POLR3B: variants seen among roughly 807,000 people sequenced by gnomAD.
POLR3B encodes the protein DNA-directed RNA polymerase III subunit RPC2.
Under a neutral mutation model 147.4 loss-of-function variants are expected in POLR3B, and 96 were observed. That is an observed-to-expected ratio of 0.65 (90% CI 0.55 to 0.77). The LOEUF (loss-of-function observed/expected upper bound fraction) is 0.77. POLR3B is among the 30% of genes least tolerant of loss of function. The pLI, the probability that POLR3B is intolerant of heterozygous loss-of-function variation, is 0.00. For synonymous variants in POLR3B, 461 were observed against 485.9 expected (o/e 0.95, Z 0.67); for missense variants, 1,036 against 1,413.5 (o/e 0.73, Z 4.28).
chr12:106,473,778 GT>G (rs1374012914), intron 23 of POLR3B, among the ~76,000 whole-genome samples: 1 of 132,344 alleles, frequency 7.6e-6, no homozygotes, highest in Non-Finnish European at 1.6e-5. Context: ...AGATGATGGG[GT>G]TTTCTAGATA....
chr12:106,509,196 C>T (rs2038736371), intron 27 of POLR3B, among the ~76,000 whole-genome samples: 2 of 152,172 alleles, frequency 1.3e-5, no homozygotes, highest in Non-Finnish European at 2.9e-5. Context: ...GCTTTAAACA[C>T]TGGAGGGAAT....
At chr12:106,500,244 T>G in intron 25 of POLR3B, 2 of 448,858 alleles carry the variant, frequency 4.5e-6, no homozygotes, top group South Asian at 3.2e-5. Flanking sequence ...GTTCTCTGGT[T>G]GTTCTTGCTC....
chr12:106,445,714 C>T (rs1013781731), intron 19 of POLR3B, among the ~76,000 whole-genome samples: 55 of 152,042 alleles, frequency 3.6e-4, no homozygotes, highest in Admixed American at 6.6e-4. Context: ...TGATTGCCAT[C>T]TCTGATTTAA....
At chr12:106,494,409 T>C (rs1308901367) in intron 23 of POLR3B, among the ~76,000 whole-genome samples, 1 of 152,172 alleles carries the variant, frequency 6.6e-6, no homozygotes, top group Non-Finnish European at 1.5e-5. Context: ...GATTTCTCTT[T>C]GGTTTTGTTT....
At position 106,437,678 on chromosome 12, in the gene POLR3B, C is replaced by T. The variant is rs1382233377; in HGVS notation, c.1857-3C>T. On this transcript the variant is annotated splice_region_variant and splice_polypyrimidine_tract_variant and intron_variant, in intron 17 of 27. Transcript: ENST00000228347. ...GATGTCTCTTTCACCAATATTTTCCCAGGAATTTTGAAGATTTCTTACATG... is the reference window on the plus strand; with the variant it reads ...GATGTCTCTTTCACCAATATTTTCCTAGGAATTTTGAAGATTTCTTACATG... The T allele has an allele frequency of 2.6e-6, 4 of 1,545,078 alleles. No homozygotes were observed. The highest frequency in any genetic ancestry group is 3.3e-5 in the Admixed American group (2 of 59,872).
chr12:106,364,857 C>T (rs867945705), intron 2 of POLR3B, among the ~76,000 whole-genome samples: 12 of 152,282 alleles, frequency 7.9e-5, no homozygotes, highest in South Asian at 2.1e-4. Flanking sequence ...AAAATGAGGC[C>T]GGGCGCGGTG....
Position 106,378,320 on chromosome 12 carries a change from C to T in POLR3B, c.550C>T (p.Leu184=). The T allele has an allele frequency of 6.2e-7, 1 of 1,613,862 alleles. No homozygotes were observed. The highest frequency in any genetic ancestry group is 2.2e-5 in the East Asian group (1 of 44,864). Residue 184 remains leucine, a synonymous_variant, in exon 8 of 28, where the codon CTG becomes TTG. Transcript: ENST00000228347. ...AAAAGTTATTCTTATCCAAGAGCAG[C>T]TGTCTAAGAACAGGATCATCGTGGA... ...VEKVILIQEQ[L]SKNRIIVEAD...
chr12:106,409,041 C>G lies in POLR3B; in HGVS notation c.967-1785C>G, dbSNP rs2037186319. Among the ~76,000 whole-genome samples the G allele has an allele frequency of 2.6e-5, 4 of 152,258 alleles. No individual in the cohort carries two copies. The South Asian group carries it at 8.3e-4, about 32-fold the overall frequency. ...CTACTTATAAATGTCTTGGGAGAAT[C>G]TACTACCAGTGTTTATGCAAAAGGA... is the stretch of plus-strand genomic sequence containing the variant. On this transcript the variant is annotated intron_variant, in intron 11 of 27. Coordinates refer to ENST00000228347, the MANE Select transcript of POLR3B (RefSeq NM_018082.6).
At chr12:106,417,820 A>C (rs1272380663) in intron 12 of POLR3B, among the ~76,000 whole-genome samples, 1 of 152,030 alleles carries the variant, frequency 6.6e-6, no homozygotes, top group African/African-American at 2.4e-5. Flanking sequence ...CATGGTGTTA[A>C]ATGAGTCCAT....
intron 10 of POLR3B, among the ~76,000 whole-genome samples, chr12:106,402,791 CT>C (rs2037087462): frequency 6.6e-6 from 1 of 152,124 alleles, no homozygotes; most frequent in East Asian, 1.9e-4. Context: ...TTCCTTACAC[CT>C]TATACAAAAA....
At chr12:106,392,621 A>C (rs2036927460) in intron 9 of POLR3B, among the ~76,000 whole-genome samples, 2 of 152,222 alleles carry the variant, frequency 1.3e-5, no homozygotes, top group South Asian at 4.1e-4. Context: ...ATTTTGTGAC[A>C]AGACTGATTG....
chr12:106,503,863 A>G (rs1393641737), intron 26 of POLR3B, among the ~76,000 whole-genome samples: 5 of 152,238 alleles, frequency 3.3e-5, no homozygotes, highest in Admixed American at 6.5e-5. Context: ...ACAACCATCA[A>G]TATTACATCT....
intron 23 of POLR3B, among the ~76,000 whole-genome samples, chr12:106,488,690 T>C (rs1271345558): frequency 6.6e-6 from 1 of 152,214 alleles, no homozygotes; most frequent in African/African-American, 2.4e-5. Context: ...GAAATTATGT[T>C]TGGAATTAGA....
At chr12:106,441,472 A>G (rs555557325) in intron 18 of POLR3B, among the ~76,000 whole-genome samples, 126 of 152,328 alleles carry the variant, frequency 8.3e-4, no homozygotes, top group Middle Eastern at 3.4e-3. Flanking sequence ...TTGTAGCACA[A>G]TGGTAAGTAT....
chr12:106,383,697 T>G (rs2036795571), intron 9 of POLR3B, among the ~76,000 whole-genome samples: 2 of 152,040 alleles, frequency 1.3e-5, no homozygotes, highest in South Asian at 4.1e-4. Flanking sequence ...GAACACTGAT[T>G]GGCCGGGCGC....
intron 23 of POLR3B, among the ~76,000 whole-genome samples, chr12:106,466,521 C>T (rs946580582): frequency 2.6e-5 from 4 of 151,602 alleles, no homozygotes; most frequent in Admixed American, 2.6e-4. Flanking sequence ...GACATGAAGT[C>T]TGCCCATGTC....
chr12:106,376,247 G>A, intron 6 of POLR3B, 112 bp from the exon 7 acceptor site: 1 of 753,066 alleles, frequency 1.3e-6, no homozygotes, highest in South Asian at 1.4e-5. Flanking sequence ...TTCTAACATG[G>A]TGCATAGATA....
intron 12 of POLR3B, among the ~76,000 whole-genome samples, chr12:106,426,855 C>T (rs973151290): frequency 2.9e-5 from 2 of 68,728 alleles, no homozygotes; most frequent in African/African-American, 9.7e-5. Flanking sequence ...CCCCCCCCCC[C>T]CGTCCTTTTT....
At chr12:106,400,572 G>T (rs1354933622) in intron 10 of POLR3B, among the ~76,000 whole-genome samples, 4 of 152,142 alleles carry the variant, frequency 2.6e-5, no homozygotes, top group Admixed American at 2.0e-4. Context: ...CACATAGTTG[G>T]AAGTAAAGCA....
Sources: allele counts gnomAD v4.1 joint callset (sites outside exome capture counted in the v4.1 genomes callset), GRCh38; gene constraint gnomAD v4.1.1; transcripts MANE v1.5; gene names NCBI Gene and HGNC (gene_info 2026-07-23, HGNC 2026-07-21).